Variants in CD5L observed in about 807,000 individuals in gnomAD.
The protein encoded by CD5L is CD5 molecule like, also known as CD5 antigen-like.
A neutral mutation model predicts 40.8 loss-of-function variants in CD5L; 39 were observed. The observed-to-expected ratio is 0.96, with a 90% CI of 0.74 to 1.25. CD5L has a LOEUF of 1.25. Among genes scored for constraint, CD5L ranks in the 50% most tolerant of loss-of-function variants. The pLI is 0.00. For missense variants in CD5L, 433 were observed against 435.9 expected, an observed-to-expected ratio of 0.99 and a Z score of 0.06; for synonymous variants, 192 against 169.6, an observed-to-expected ratio of 1.13 and a Z score of -1.03.
At chr1:157,840,033 C>A (rs1013423178) in intron 1 of CD5L, among the ~76,000 whole-genome samples, 1 of 152,178 alleles carries the variant, frequency 6.6e-6, no homozygotes, top group African/African-American at 2.4e-5. Flanking sequence ...TCCATTAAAC[C>A]TTTATTAGAC....
At chr1:157,835,090 T>G (rs1225692001) in intron 3 of CD5L, among the ~76,000 whole-genome samples, 3 of 152,258 alleles carry the variant, frequency 2.0e-5, no homozygotes, top group Non-Finnish European at 4.4e-5. Context: ...CCAAATGCTT[T>G]TTGGTTCATT....
intron 5 of CD5L, among the ~76,000 whole-genome samples, chr1:157,832,835 C>T (rs966130046): frequency 5.3e-5 from 8 of 152,084 alleles, no homozygotes; most frequent in African/African-American, 1.4e-4. Context: ...AATTTTAATG[C>T]TTTTGAAGGT....
At chr1:157,836,417 T>C (rs981709122) in intron 2 of CD5L, among the ~76,000 whole-genome samples, 1 of 152,180 alleles carries the variant, frequency 6.6e-6, no homozygotes, top group African/African-American at 2.4e-5. Flanking sequence ...CATTTTCAGA[T>C]TGAAGATTAA....
At chr1:157,837,446 C>T (rs1453546251) in intron 2 of CD5L, among the ~76,000 whole-genome samples, 3 of 152,094 alleles carry the variant, frequency 2.0e-5, no homozygotes, top group South Asian at 2.1e-4. Flanking sequence ...CTTGGCAATC[C>T]CACCAAGCCT....
chr1:157,830,144 T>C (rs1049604808), downstream of CD5L, among the ~76,000 whole-genome samples: 1 of 152,194 alleles, frequency 6.6e-6, no homozygotes, highest in South Asian at 2.1e-4. Context: ...TGGGATCCCA[T>C]AGCCAGTATT....
rs1309997068 is a variant in CD5L, at chr1:157,831,701, C to CA, written c.*262dup. ...AGGCAGGAAAGGCCAGAACCAGTGTCAAAGGGTCAGGGTTGAGCACAGGAT... is the reference window on the plus strand; with the variant it reads ...AGGCAGGAAAGGCCAGAACCAGTGTCAAAAGGGTCAGGGTTGAGCACAGGAT... On this transcript the variant is annotated 3_prime_UTR_variant, in exon 6 of 6. Transcript: ENST00000368174. The CA allele has an allele frequency of 2.5e-6, 3 of 1,223,704 alleles. No homozygotes were observed. The highest frequency in any genetic ancestry group is 3.1e-6 in the Non-Finnish European group (3 of 981,944). The allele number at this position is 1,223,704 out of a possible 1,614,324, so 75.8% of individuals were successfully genotyped here.
chr1:157,833,555 G>A (rs1238614641), intron 4 of CD5L, 43 bp from the exon 5 acceptor site: 1 of 1,436,256 alleles, frequency 7.0e-7, no homozygotes. Flanking sequence ...GACAGGAAGG[G>A]AAAGGAGAAA....
chr1:157,834,072 T>G (rs1026140706), intron 4 of CD5L, among the ~76,000 whole-genome samples: 3 of 152,174 alleles, frequency 2.0e-5, no homozygotes, highest in Non-Finnish European at 4.4e-5. Flanking sequence ...CCCGTCTATT[T>G]TATAAATCTA....
Position 157,836,015 on chromosome 1 carries a change from C to G in CD5L, c.196G>C (p.Gly66Arg), listed in dbSNP as rs1656202142. The G allele has an allele frequency of 1.9e-6, 3 of 1,614,064 alleles. No individual in the cohort carries two copies. The highest frequency in any genetic ancestry group is 2.5e-6 in the Non-Finnish European group (3 of 1,180,046). ...GGGGTTCCGCTGGCAGCTCCACAGC[C>G]CAGCTCCCGGCACAACACAGCCACG... Reference protein sequence around the residue: ...KDVAVLCRELGCGAASGTPSG... With the variant: ...KDVAVLCRELRCGAASGTPSG... The change falls in exon 3 of 6, where the codon GGC becomes CGC. Residue 66 changes from glycine (G) to arginine (R), a missense_variant. By Grantham distance (125) the Gly-to-Arg change is moderately radical. Transcript: ENST00000368174.
Position 157,834,633 on chromosome 1 carries a change from C to T in CD5L, c.492G>A (p.Gln164=). The T allele has an allele frequency of 6.2e-7, 1 of 1,614,218 alleles. No individual in the cohort carries two copies. Among genetic ancestry groups the T allele is most frequent in the South Asian group, 1.1e-5 (1 of 91,086 alleles). ...KHQNQWYTVC[Q]TGWSLRAAKV... is the part of the protein sequence containing the mutation. ...TTGCGGCCCGGAGGCTCCAGCCTGT[C>T]TGGCACACGGTATACCACTGGTTCT... The change falls in exon 4 of 6, where the codon CAG becomes CAA. Residue 164 remains glutamine, a synonymous_variant. Transcript: ENST00000368174.
At chr1:157,839,586 G>A (rs1179634074) in intron 1 of CD5L, among the ~76,000 whole-genome samples, 176 bp from the exon 2 acceptor site, 1 of 152,212 alleles carries the variant, frequency 6.6e-6, no homozygotes, top group African/African-American at 2.4e-5. Flanking sequence ...AGGACACAGG[G>A]ACACTGGCTA....
Position 157,831,858 on chromosome 1 carries a change from T to C in CD5L, c.*106A>G, listed in dbSNP as rs944961468. On this transcript the variant is annotated 3_prime_UTR_variant, in exon 6 of 6. Transcript: ENST00000368174. ...GACTCCTGAGGGGATGAGGGAGTAG[T>C]GGCTCAAGCCTGAGCCCCAGAATGA... 3 of 1,457,374 alleles carry C rather than the reference T, an allele frequency of 2.1e-6. No homozygotes were observed. The Admixed American group carries it at 7.7e-5, about 37-fold the overall frequency. The allele number at this position is 1,457,374 out of a possible 1,614,324, so 90.3% of individuals were successfully genotyped here.
At chr1:157,836,714 T>C (rs1437206123) in intron 2 of CD5L, among the ~76,000 whole-genome samples, 1 of 152,206 alleles carries the variant, frequency 6.6e-6, no homozygotes, top group Non-Finnish European at 1.5e-5. Context: ...ACAGCCTAAC[T>C]ATCTCTCACT....
At chr1:157,840,367 T>C (rs1457148024) in intron 1 of CD5L, among the ~76,000 whole-genome samples, 2 of 152,154 alleles carry the variant, frequency 1.3e-5, no homozygotes, top group Admixed American at 1.3e-4. Flanking sequence ...CATTTTCAAC[T>C]GCAAAACACC....
rs200131192 is a variant in CD5L, at chr1:157,835,997, C to T, written c.214G>A (p.Gly72Arg). The change falls in exon 3 of 6, where the codon GGA becomes AGA. Residue 72 changes from glycine to arginine, a missense_variant. Gly to Arg is a moderately radical substitution (Grantham distance 125, BLOSUM62 -2). Transcript: ENST00000368174. ...CRELGCGAAS[G>R]TPSGILYEPP... ...TCATACAAAATACCACTAGGGGTTC[C>T]GCTGGCAGCTCCACAGCCCAGCTCC... is the stretch of plus-strand genomic sequence containing the variant. 1.5e-5 allele frequency: 24 copies of T among 1,614,176 alleles called. No homozygotes were observed. The highest frequency in any genetic ancestry group is 1.6e-4 in the Middle Eastern group (1 of 6,062).
Position 157,833,193 on chromosome 1 carries a change from T to G in CD5L, c.1038A>C (p.Ser346=). The change falls in exon 5 of 6, where the codon TCA becomes TCC. Residue 346 remains serine, a splice_region_variant and synonymous_variant. Transcript: ENST00000368174. ...THQEDVAVIC[S]G Reference sequence around the variant, plus strand: ...ATGAACTCCATCTGTAGGACTCACCTGAGCAGATGACAGCCACATCTTCCT... The same window carrying G: ...ATGAACTCCATCTGTAGGACTCACCGGAGCAGATGACAGCCACATCTTCCT... 6.2e-7 allele frequency: 1 copy of G among 1,610,694 alleles called. No homozygotes were observed. Among genetic ancestry groups the G allele is most frequent in the Non-Finnish European group, 8.5e-7 (1 of 1,177,576 alleles).
chr1:157,829,313 A>T (rs879695327), downstream of CD5L, among the ~76,000 whole-genome samples: 1 of 152,256 alleles, frequency 6.6e-6, no homozygotes, highest in Non-Finnish European at 1.5e-5. Flanking sequence ...GAAATGAGAC[A>T]TTGAGAATAA....
chr1:157,834,541 G>C lies in CD5L; in HGVS notation c.584C>G (p.Ala195Gly). 6.2e-7 allele frequency: 1 copy of C among 1,614,212 alleles called. No homozygotes were observed. Among genetic ancestry groups the C allele is most frequent in the African/African-American group, 1.3e-5 (1 of 75,048 alleles). The change falls in exon 4 of 6, where the codon GCC becomes GGC. Residue 195 changes from alanine (A) to glycine (G), a missense_variant. By Grantham distance (60) the Ala-to-Gly change is moderately conservative (BLOSUM62 0). Coordinates refer to ENST00000368174, the MANE Select transcript of CD5L (RefSeq NM_005894.3). The stretch of plus-strand genomic sequence containing the variant: ...CAGCCAGATGGGTTTTCGGCCATAG[G>C]CATGCTTGTTGCAGCGTTTTTGAGT... ...VLTQKRCNKH[A>G]YGRKPIWLSQ... is the part of the protein sequence containing the mutation.
Position 157,833,218 on chromosome 1 carries a change from T to C in CD5L, c.1013A>G (p.Gln338Arg). The C allele has an allele frequency of 6.2e-7, 1 of 1,613,896 alleles. No individual in the cohort carries two copies. The highest frequency in any genetic ancestry group is 8.5e-7 in the Non-Finnish European group (1 of 1,179,824). Residue 338 changes from glutamine to arginine, a missense_variant, in exon 5 of 6, where the codon CAG (glutamine) becomes CGG (arginine). By Grantham distance (43) the Gln-to-Arg change is conservative (BLOSUM62 1). Coordinates refer to ENST00000368174, the MANE Select transcript of CD5L (RefSeq NM_005894.3). ...RFWGFHDCTH[Q>R]EDVAVICSG ...TGAGCAGATGACAGCCACATCTTCC[T>C]GGTGGGTGCAGTCGTGAAACCCCCA...
Sources: gnomAD v4.1 joint callset for allele counts (sites outside exome capture counted in the v4.1 genomes callset) on GRCh38, gnomAD v4.1.1 for gene constraint, MANE v1.5 for transcripts, NCBI Gene and HGNC (gene_info 2026-07-23, HGNC 2026-07-21) for gene names.